SLC38A4: variants seen among roughly 807,000 people sequenced by gnomAD.
The protein encoded by SLC38A4 is solute carrier family 38 member 4.
Under a neutral mutation model 63.1 loss-of-function variants are expected in SLC38A4, and 20 were observed. That is an observed-to-expected ratio of 0.32 (90% CI 0.22 to 0.46). The LOEUF (loss-of-function observed/expected upper bound fraction) is 0.46. SLC38A4 is among the 20% of genes least tolerant of loss of function. SLC38A4 has a pLI of 1.00. For synonymous variants in SLC38A4, 230 were observed against 225.5 expected, an observed-to-expected ratio of 1.02 and a Z score of -0.18; for missense variants, 526 against 663.6, an observed-to-expected ratio of 0.79 and a Z score of 2.28.
At chr12:46,826,268 G>A (rs926710203), upstream of SLC38A4, among the ~76,000 whole-genome samples, 3 of 152,214 alleles carry the variant, frequency 2.0e-5, no homozygotes, top group Non-Finnish European at 2.9e-5. Flanking sequence ...ATGACGCAAG[G>A]CAAAATGACA....
chr12:46,815,819 A>G (rs900144525), intron 1 of SLC38A4, among the ~76,000 whole-genome samples: 1 of 151,940 alleles, frequency 6.6e-6, no homozygotes, highest in Non-Finnish European at 1.5e-5. Flanking sequence ...TTTTGTTATT[A>G]ATAATATTAA....
intron 1 of SLC38A4, among the ~76,000 whole-genome samples, chr12:46,813,867 T>C (rs537370767): frequency 4.3e-4 from 66 of 152,056 alleles, no homozygotes; most frequent in Non-Finnish European, 7.9e-4. Context: ...TTGTAGAGCA[T>C]TGAGAAGAGC....
intron 1 of SLC38A4, among the ~76,000 whole-genome samples, chr12:46,818,346 A>G (rs928224717): frequency 2.6e-5 from 4 of 151,798 alleles, no homozygotes; most frequent in Non-Finnish European, 5.9e-5. Flanking sequence ...TTCATCCCAA[A>G]CCAGTTCCCT....
In SLC38A4 at chr12:46,764,924, C is replaced by G. The variant is rs1938265604; in HGVS notation, c.*1777G>C. ...TCAGCACAAGCTATCATATGTATGT[C>G]TGCCCTGCAGTATATATGAATTTTA... On this transcript the variant is annotated 3_prime_UTR_variant, in exon 17 of 17. Transcript: ENST00000266579. The G allele has an allele frequency of 6.6e-6, 1 of 152,578 alleles. No individual in the cohort carries two copies. The highest frequency in any genetic ancestry group is 2.1e-4 in the South Asian group (1 of 4,830). The allele number at this position is 152,578 out of a possible 1,614,324, so 9.5% of individuals were successfully genotyped here.
intron 1 of SLC38A4, among the ~76,000 whole-genome samples, chr12:46,820,716 A>G (rs2120919894): frequency 6.6e-6 from 1 of 152,098 alleles, no homozygotes; most frequent in Non-Finnish European, 1.5e-5. Flanking sequence ...GTAGGATCAT[A>G]TAGTAGTTCT....
At chr12:46,830,316 A>T (rs908022438), upstream of SLC38A4, among the ~76,000 whole-genome samples, 1 of 151,966 alleles carries the variant, frequency 6.6e-6, no homozygotes, top group African/African-American at 2.4e-5. Context: ...ACACACACAC[A>T]CACACACACA....
chr12:46,780,109 T>G, intron 7 of SLC38A4, 79 bp from the exon 8 acceptor site: 6 of 1,099,946 alleles, frequency 5.5e-6, no homozygotes, highest in Non-Finnish European at 6.9e-6. Flanking sequence ...ATTTGGGATA[T>G]GTAAGATGAA....
rs1410870230 is a variant in SLC38A4 at position 46,792,996 on chromosome 12, T to C, written c.76A>G (p.Ser26Gly). ...TCTGAATTTCCTATCCCGATGTAGC[T>C]ATCTGGAGCACTTTCTCCACTGCTG... ...ESSSGESAPD[S>G]YIGIGNSEKA... Residue 26 changes from serine (S) to glycine (G), a missense_variant, in exon 3 of 17, where the codon AGC (serine) becomes GGC (glycine). Ser to Gly is a moderately conservative substitution (Grantham distance 56). Coordinates refer to ENST00000266579, the MANE Select transcript of SLC38A4 (RefSeq NM_018018.5). The C allele has an allele frequency of 6.2e-7, 1 of 1,613,414 alleles. No individual in the cohort carries two copies. Among genetic ancestry groups the C allele is most frequent in the East Asian group, 2.2e-5 (1 of 44,842 alleles).
chr12:46,789,647 G>A (rs12317419), intron 3 of SLC38A4, among the ~76,000 whole-genome samples: 2 of 152,148 alleles, frequency 1.3e-5, no homozygotes, highest in African/African-American at 4.8e-5. Context: ...AGACTTTTTA[G>A]TTGTTTTTAT....
chr12:46,801,427 C>A (rs1293461569), intron 2 of SLC38A4, among the ~76,000 whole-genome samples: 1 of 151,966 alleles, frequency 6.6e-6, no homozygotes, highest in Non-Finnish European at 1.5e-5. Context: ...AAGTTCTGAC[C>A]TTCCCTAGTT....
chr12:46,781,162 C>T (rs1473310847), intron 7 of SLC38A4, among the ~76,000 whole-genome samples: 1 of 151,978 alleles, frequency 6.6e-6, no homozygotes, highest in East Asian at 1.9e-4. Context: ...TCTCATTCCA[C>T]TGATGAAGAT....
At chr12:46,788,433 T>C in intron 4 of SLC38A4, 95 bp downstream of exon 4, 1 of 996,270 alleles carries the variant, frequency 1.0e-6, no homozygotes, top group Non-Finnish European at 1.5e-6. Context: ...TGATCAAGGC[T>C]TGGAAAATTT....
intron 15 of SLC38A4, among the ~76,000 whole-genome samples, chr12:46,768,755 C>T (rs1241926540): frequency 1.3e-5 from 2 of 152,038 alleles, no homozygotes; most frequent in Non-Finnish European, 2.9e-5. Flanking sequence ...TGCAAGTGAC[C>T]TACCCATGGT....
At chr12:46,796,103 G>A (rs1336837423) in intron 2 of SLC38A4, among the ~76,000 whole-genome samples, 1 of 151,984 alleles carries the variant, frequency 6.6e-6, no homozygotes, top group African/African-American at 2.4e-5. Flanking sequence ...TCATCTTACT[G>A]CTCGATGTTC....
chr12:46,826,805 T>C (rs1250260446), upstream of SLC38A4, among the ~76,000 whole-genome samples: 1 of 152,192 alleles, frequency 6.6e-6, no homozygotes, highest in East Asian at 1.9e-4. Context: ...TGTGCAATCA[T>C]GCAAATTAAG....
At chr12:46,775,226 G>A (rs183433740) in intron 13 of SLC38A4, 53 bp from the exon 14 acceptor site, 3 of 1,577,068 alleles carry the variant, frequency 1.9e-6, no homozygotes, top group East Asian at 2.3e-5. Flanking sequence ...ATCAGCACAG[G>A]TCACTTATGG....
At chr12:46,828,560 T>A (rs1939690239), upstream of SLC38A4, among the ~76,000 whole-genome samples, 1 of 152,166 alleles carries the variant, frequency 6.6e-6, no homozygotes. Flanking sequence ...TGACCTCAGG[T>A]GATCCACTCT....
At chr12:46,775,548 GTCCCT>G (rs1938506293) in intron 13 of SLC38A4, among the ~76,000 whole-genome samples, 1 of 151,862 alleles carries the variant, frequency 6.6e-6, no homozygotes, top group Non-Finnish European at 1.5e-5. Flanking sequence ...CACCTCCCCT[GTCCCT>G]ACCTGCGCAG....
intron 13 of SLC38A4, 107 bp from the exon 14 acceptor site, chr12:46,775,280 G>T: frequency 7.3e-7 from 1 of 1,372,884 alleles, no homozygotes; most frequent in Non-Finnish European, 9.7e-7. Context: ...AAAGACCTAG[G>T]CCTGGGAATC....
Sources: allele counts gnomAD v4.1 joint callset (sites outside exome capture counted in the v4.1 genomes callset), GRCh38; gene constraint gnomAD v4.1.1; transcripts MANE v1.5; gene names NCBI Gene and HGNC (gene_info 2026-07-23, HGNC 2026-07-21).